Variants in FARP1 observed in about 807,000 individuals in gnomAD.
FARP1 encodes FERM, ARHGEF and pleckstrin domain-containing protein 1.
In FARP1, 52 loss-of-function variants were observed where a neutral mutation model predicts 128.8. The ratio of observed to expected loss-of-function variants is 0.40; its 90% CI spans 0.32 to 0.51. The LOEUF (loss-of-function observed/expected upper bound fraction) is 0.51, where lower values mean the gene tolerates loss of function less well. Ranked by LOEUF, FARP1 falls within the 20% of genes least tolerant of loss-of-function variation. FARP1 has a pLI of 0.45. For synonymous variants in FARP1, 580 were observed against 551.8 expected, an observed-to-expected ratio of 1.05 and a Z score of -0.72; for missense variants, 1,333 against 1,367.9, an observed-to-expected ratio of 0.97 and a Z score of 0.40.
chr13:98,376,599 T>C (rs1029960954), intron 5 of FARP1, among the ~76,000 whole-genome samples: 2 of 152,192 alleles, frequency 1.3e-5, no homozygotes, highest in Admixed American at 6.5e-5. Context: ...AGATATCTCT[T>C]TGACATACTG....
At chr13:98,263,996 T>C (rs2139551391) in intron 2 of FARP1, among the ~76,000 whole-genome samples, 1 of 152,324 alleles carries the variant, frequency 6.6e-6, no homozygotes, top group East Asian at 1.9e-4. Flanking sequence ...TCACCTTCCA[T>C]TGTCATTGAA....
intron 2 of FARP1, among the ~76,000 whole-genome samples, chr13:98,263,562 A>G (rs991395456): frequency 6.6e-6 from 1 of 152,242 alleles, no homozygotes; most frequent in African/African-American, 2.4e-5. Flanking sequence ...AACATAATGA[A>G]GAAAATAAAA....
chr13:98,178,725 A>G (rs540470252), intron 1 of FARP1, among the ~76,000 whole-genome samples: 1 of 152,282 alleles, frequency 6.6e-6, no homozygotes, highest in East Asian at 1.9e-4. Flanking sequence ...GGGATGAGGG[A>G]GAAGTTGTGT....
intron 5 of FARP1, 151 bp from the exon 6 acceptor site, chr13:98,377,670 C>T (rs1223677320): frequency 2.9e-5 from 18 of 613,204 alleles, no homozygotes; most frequent in Non-Finnish European, 4.7e-5. Context: ...GATATTTACA[C>T]TGCAGTGAAT....
In FARP1 at chr13:98,175,967, C is replaced by T. The variant is rs971802005; in HGVS notation, c.-24+32475C>T. ...GTTTGTCCATTCATCCATCCATGGA[C>T]ACTTGGGTTGTTTACACCTCTTGGC... On this transcript the variant is annotated intron_variant, in intron 1 of 26. Coordinates refer to ENST00000319562, the MANE Select transcript of FARP1 (RefSeq NM_005766.4). The T allele has an allele frequency of 1.2e-5, 7 of 601,610 alleles. No individual in the cohort carries two copies. The African/African-American group carries it at 1.3e-4, about 11-fold the overall frequency. The allele number at this position is 601,610 out of a possible 1,614,324, so 37.3% of individuals were successfully genotyped here. A position where few individuals can be genotyped will look rare whatever the true frequency, so the allele number is the denominator to read the frequency against.
chr13:98,430,925 TAAAC>T (rs535464501), intron 17 of FARP1, 114 bp from the exon 18 acceptor site: 27 of 675,706 alleles, frequency 4.0e-5, no homozygotes, highest in Non-Finnish European at 6.1e-5. Flanking sequence ...TTAAGGAAAT[TAAAC>T]AAATCGTGAA....
intron 2 of FARP1, among the ~76,000 whole-genome samples, chr13:98,276,137 T>C (rs1241625777): frequency 1.3e-5 from 2 of 152,356 alleles, no homozygotes; most frequent in East Asian, 3.9e-4. Context: ...TGAGGGCTCA[T>C]GGCCTGTCCC....
At chr13:98,177,413 G>A in intron 1 of FARP1, 1 of 528,154 alleles carries the variant, frequency 1.9e-6, no homozygotes, top group Non-Finnish European at 3.2e-6. Flanking sequence ...CTGGGAGGCC[G>A]AGGTGGGAGA....
intron 2 of FARP1, among the ~76,000 whole-genome samples, chr13:98,245,838 G>C (rs1358221353): frequency 6.6e-6 from 1 of 151,706 alleles, no homozygotes; most frequent in Non-Finnish European, 1.5e-5. Flanking sequence ...GTGCGATCTC[G>C]GCTCACAGCA....
intron 3 of FARP1, among the ~76,000 whole-genome samples, chr13:98,353,717 A>C (rs2139919966): frequency 6.6e-6 from 1 of 152,296 alleles, no homozygotes; most frequent in East Asian, 1.9e-4. Flanking sequence ...TTTTAATATT[A>C]AATATTTTTT....
intron 19 of FARP1, 75 bp from the exon 20 acceptor site, chr13:98,438,729 G>C: frequency 8.3e-7 from 1 of 1,205,740 alleles, no homozygotes; most frequent in East Asian, 2.3e-5. Context: ...TTTAGCCCTC[G>C]GGGTCTGCAC....
intron 2 of FARP1, among the ~76,000 whole-genome samples, chr13:98,248,805 C>T (rs573778260): frequency 1.3e-5 from 2 of 151,966 alleles, no homozygotes; most frequent in East Asian, 1.9e-4. Context: ...GATTTGTTTG[C>T]GTTTTCGTGC....
intron 2 of FARP1, chr13:98,234,703 G>A (rs1882321054): frequency 6.6e-6 from 1 of 152,154 alleles, no homozygotes; most frequent in Non-Finnish European, 1.5e-5. Context: ...AACAAAAAGA[G>A]AAATAAATGA....
chr13:98,202,194 G>T lies in FARP1; in HGVS notation c.-23-11026G>T, dbSNP rs112754296. Among the ~76,000 whole-genome samples the T allele has an allele frequency of 9.6e-3, 1,463 of 152,258 alleles. 30 individuals are homozygous for T. Among genetic ancestry groups the T allele is most frequent in the Middle Eastern group, 0.017 (5 of 294 alleles). On this transcript the variant is annotated intron_variant, in intron 1 of 26. Coordinates refer to ENST00000319562, the MANE Select transcript of FARP1 (RefSeq NM_005766.4). ...CCAGCTCCTGGCGTGTGGCTCCCCC[G>T]GGACAGAGGCACAAGGTGGCTTTGT...
chr13:98,231,241 T>C (rs745974830), intron 2 of FARP1, among the ~76,000 whole-genome samples: 1 of 151,914 alleles, frequency 6.6e-6, no homozygotes, highest in Non-Finnish European at 1.5e-5. Flanking sequence ...CAAGCTGATA[T>C]TTGGACGGAG....
intron 2 of FARP1, among the ~76,000 whole-genome samples, chr13:98,225,805 C>T (rs759359735): frequency 2.6e-5 from 4 of 152,196 alleles, no homozygotes; most frequent in Admixed American, 2.6e-4. Context: ...TTGTCTGGCT[C>T]CTAAAATGCT....
At chr13:98,253,916 T>C (rs189507079) in intron 2 of FARP1, among the ~76,000 whole-genome samples, 4 of 152,320 alleles carry the variant, frequency 2.6e-5, no homozygotes, top group Admixed American at 2.6e-4. Flanking sequence ...TTTTCATGCA[T>C]GCTTTCCATG....
chr13:98,173,345 T>C (rs955977564), intron 1 of FARP1, among the ~76,000 whole-genome samples: 4 of 152,194 alleles, frequency 2.6e-5, no homozygotes, highest in Non-Finnish European at 2.9e-5. Context: ...AAAAACTCCT[T>C]AGAAGGAATT....
chr13:98,294,092 C>G (rs879891721), intron 2 of FARP1, among the ~76,000 whole-genome samples: 2 of 152,192 alleles, frequency 1.3e-5, no homozygotes, highest in Non-Finnish European at 2.9e-5. Flanking sequence ...CCAAGCTGAT[C>G]AGTCATTTTT....
Sources: gnomAD v4.1 joint callset for allele counts (sites outside exome capture counted in the v4.1 genomes callset) on GRCh38, gnomAD v4.1.1 for gene constraint, MANE v1.5 for transcripts, NCBI Gene and HGNC (gene_info 2026-07-23, HGNC 2026-07-21) for gene names.